Variants in GPSM1 observed in about 807,000 individuals in gnomAD.
The protein encoded by GPSM1 is G protein-signaling modulator 1.
GPSM1 carries 48 observed loss-of-function variants against 70.5 expected under a neutral mutation model. The ratio of observed to expected loss-of-function variants is 0.68; its 90% CI spans 0.54 to 0.87. The LOEUF (loss-of-function observed/expected upper bound fraction) is 0.87, where lower values mean the gene tolerates loss of function less well. GPSM1 is among the 40% of genes least tolerant of loss of function. The probability of loss-of-function intolerance (pLI) is 0.00; values close to 1 mark genes in which losing one functional copy is unlikely to be tolerated. For missense variants in GPSM1, 981 were observed against 972.6 expected, an observed-to-expected ratio of 1.01 and a Z score of -0.11; for synonymous variants, 416 against 430.1, an observed-to-expected ratio of 0.97 and a Z score of 0.41.
At chr9:136,348,622 C>T in intron 9 of GPSM1, 75 bp from the exon 10 acceptor site, 2 of 1,165,510 alleles carry the variant, frequency 1.7e-6, no homozygotes, top group Non-Finnish European at 2.5e-6. Context: ...CTTGGCCCCC[C>T]AGAGACTCTG....
intron 1 of GPSM1, chr9:136,331,836 T>G: frequency 2.6e-6 from 1 of 390,808 alleles, no homozygotes; most frequent in African/African-American, 2.1e-5. Flanking sequence ...ACGTCAGGGA[T>G]TGGGGAGGCC....
At chr9:136,349,913 C>T (rs1832617954) in intron 11 of GPSM1, 150 bp downstream of exon 11, 1 of 724,318 alleles carries the variant, frequency 1.4e-6, no homozygotes, top group Non-Finnish European at 2.2e-6. Context: ...GCAGTGCTGT[C>T]CTGGGACCCC....
intron 11 of GPSM1, among the ~76,000 whole-genome samples, chr9:136,351,861 T>C (rs1832670857): frequency 6.6e-6 from 1 of 152,210 alleles, no homozygotes; most frequent in African/African-American, 2.4e-5. Context: ...GTCAGAACCT[T>C]GGGTACCTCC....
At chr9:136,336,187 C>T (rs1446608858) in intron 3 of GPSM1, 86 bp downstream of exon 3, 2 of 1,430,442 alleles carry the variant, frequency 1.4e-6, no homozygotes, top group African/African-American at 2.8e-5. Flanking sequence ...GGGTGACTCA[C>T]CACTCATCCA....
At position 136,334,525 on chromosome 9, in the gene GPSM1, CTTCT is replaced by C; in HGVS notation, c.150_153del (p.Phe50LeufsTer12). On this transcript the variant is annotated frameshift_variant, in exon 2 of 14. Coordinates refer to ENST00000440944, the MANE Select transcript of GPSM1 (RefSeq NM_001145638.3). LOFTEE classifies it high-confidence loss of function. ...CGGGCGACTTCAAGACAGGCGTGGC[CTTCT>C]TTGAGGCTGCTGTGCAGGTGGGCAC... 1.2e-6 allele frequency: 2 copies of C among 1,613,378 alleles called. No homozygotes were observed. Among genetic ancestry groups the C allele is most frequent in the Non-Finnish European group, 1.7e-6 (2 of 1,179,942 alleles).
At chr9:136,336,151 C>T (rs375577013) in intron 3 of GPSM1, 50 bp downstream of exon 3, 25 of 1,583,836 alleles carry the variant, frequency 1.6e-5, no homozygotes, top group Middle Eastern at 1.7e-4. Flanking sequence ...CACCGGCCTG[C>T]GTCCAGATCC....
intron 1 of GPSM1, among the ~76,000 whole-genome samples, chr9:136,334,113 G>A (rs1276926024): frequency 1.3e-5 from 2 of 152,218 alleles, no homozygotes; most frequent in Admixed American, 6.5e-5. Context: ...GTGAAGGCAG[G>A]GTATGGGGGC....
At chr9:136,351,107 C>G (rs1473453986) in intron 11 of GPSM1, among the ~76,000 whole-genome samples, 1 of 152,188 alleles carries the variant, frequency 6.6e-6, no homozygotes, top group Non-Finnish European at 1.5e-5. Flanking sequence ...TGGGCACCAA[C>G]CTGCAGAGGG....
rs1457972799 is a variant in GPSM1 at position 136,358,470 on chromosome 9, C to A, written c.*250C>A. On this transcript the variant is annotated 3_prime_UTR_variant, in exon 14 of 14. Coordinates refer to ENST00000440944, the MANE Select transcript of GPSM1 (RefSeq NM_001145638.3). ...CCTGCCGCAGGCCGGACGGGGCCTT[C>A]GGCATGTCGGCCCCGACCTGGTGCT... The A allele has an allele frequency of 7.2e-6, 4 of 553,932 alleles. No individual in the cohort carries two copies. In the African/African-American group the frequency reaches 8.0e-5, roughly 11 times the overall value. 34.3% of individuals were successfully genotyped at this position (553,932 alleles called of 1,614,324 possible). A position where few individuals can be genotyped will look rare whatever the true frequency, so the allele number is the denominator to read the frequency against.
At chr9:136,337,366 A>G in intron 4 of GPSM1, 75 bp from the exon 5 acceptor site, 1 of 1,539,846 alleles carries the variant, frequency 6.5e-7, no homozygotes, top group Non-Finnish European at 8.8e-7. Flanking sequence ...GGAGGCCGCT[A>G]CTCAGCTCTT....
At chr9:136,356,600 C>A in intron 13 of GPSM1, 50 bp downstream of exon 13, 1 of 1,420,188 alleles carries the variant, frequency 7.0e-7, no homozygotes, top group Non-Finnish European at 9.7e-7. Flanking sequence ...TTGCCATCCA[C>A]GTGTGTGGAG....
intron 11 of GPSM1, among the ~76,000 whole-genome samples, chr9:136,351,895 G>A (rs1832671911): frequency 6.6e-6 from 1 of 152,250 alleles, no homozygotes; most frequent in Non-Finnish European, 1.5e-5. Context: ...CTGCACCCTG[G>A]TGGCAGCCTG....
rs1554769485 is a variant in GPSM1 at position 136,337,562 on chromosome 9, G to A, written c.700G>A (p.Glu234Lys). 6.4e-7 allele frequency: 1 copy of A among 1,556,294 alleles called. No homozygotes were observed. Among genetic ancestry groups the A allele is most frequent in the Non-Finnish European group, 8.7e-7 (1 of 1,149,992 alleles). The change falls in exon 5 of 14, where the codon GAG becomes AAG. Residue 234 changes from glutamate to lysine, a missense_variant and splice_region_variant. Transcript: ENST00000440944. ...NFTEATTFHKERLAIAKEFGD... is the reference protein window; with the variant it reads ...NFTEATTFHKKRLAIAKEFGD... ...CACAGAGGCCACGACCTTCCACAAGGAGGTGAGCCGGGCAGGGTGACAGGG... is the reference window on the plus strand; with the variant it reads ...CACAGAGGCCACGACCTTCCACAAGAAGGTGAGCCGGGCAGGGTGACAGGG...
At chr9:136,356,302 C>T in intron 12 of GPSM1, 40 bp from the exon 13 acceptor site, 1 of 1,443,042 alleles carries the variant, frequency 6.9e-7, no homozygotes, top group Non-Finnish European at 9.3e-7. Flanking sequence ...GGGCTTGACC[C>T]CGCACTGGGT....
At chr9:136,336,645 C>A (rs967679754) in intron 3 of GPSM1, among the ~76,000 whole-genome samples, 4 of 152,218 alleles carry the variant, frequency 2.6e-5, no homozygotes, top group Non-Finnish European at 4.4e-5. Flanking sequence ...CCAGCTGGAG[C>A]TTTCAGCCTC....
At chr9:136,347,589 C>T (rs1832553497) in intron 9 of GPSM1, among the ~76,000 whole-genome samples, 1 of 152,220 alleles carries the variant, frequency 6.6e-6, no homozygotes, top group African/African-American at 2.4e-5. Context: ...CTGCCCTTTC[C>T]ACAGTGGCTG....
At position 136,327,746 on chromosome 9, in the gene GPSM1, CA is replaced by C; in HGVS notation, c.52del (p.Arg18GlyfsTer12). Reference sequence around the variant, plus strand: ...CCGACGAGCTCCCGGGCCCGGCCGCCAGGCGCCTCTACTCCAGGTAGGACGG... The same window carrying C: ...CCGACGAGCTCCCGGGCCCGGCCGCCGGCGCCTCTACTCCAGGTAGGACGG... Reference protein sequence around the residue: ...AADELPGPAARRLYSRMEASC... With the variant: ...AADELPGPAAXRLYSRMEASC... On this transcript the variant is annotated frameshift_variant, in exon 1 of 14. Coordinates refer to ENST00000440944, the MANE Select transcript of GPSM1 (RefSeq NM_001145638.3). LOFTEE classifies it high-confidence loss of function. 1 of 1,193,252 alleles carries C rather than the reference CA, an allele frequency of 8.4e-7. No homozygotes were observed. The highest frequency in any genetic ancestry group is 1.0e-6 in the Non-Finnish European group (1 of 962,924). The allele number at this position is 1,193,252 out of a possible 1,614,324, so 73.9% of individuals were successfully genotyped here.
chr9:136,347,885 G>A lies in GPSM1; in HGVS notation c.1208-812G>A, dbSNP rs146061420. ...GGCCCCGCAGGGCTGAGCGACACCCGTCTCTGCCAGGGCTGTGTTGGGACA... is the reference window on the plus strand; with the variant it reads ...GGCCCCGCAGGGCTGAGCGACACCCATCTCTGCCAGGGCTGTGTTGGGACA... On this transcript the variant is annotated intron_variant, in intron 9 of 13. Coordinates refer to ENST00000440944, the MANE Select transcript of GPSM1 (RefSeq NM_001145638.3). Among the ~76,000 whole-genome samples the A allele has an allele frequency of 1.1e-4, 16 of 152,248 alleles. No individual in the cohort carries two copies. The East Asian group carries it at 1.9e-3, about 18-fold the overall frequency.
At position 136,334,679 on chromosome 9, in the gene GPSM1, A is replaced by C. The variant is rs782322719; in HGVS notation, c.290+11A>C. 17 of 1,601,000 alleles carry C rather than the reference A, an allele frequency of 1.1e-5. 1 individual carries two copies. The South Asian group carries it at 1.8e-4, about 17-fold the overall frequency. ...CCTCCTGCTGGCGCGGTGAGTGGGG[A>C]CGGTCCTGCTGGCGGGTGAGTGGGG... is the stretch of plus-strand genomic sequence containing the variant. On this transcript the variant is annotated intron_variant, in intron 2 of 13. Transcript: ENST00000440944.
Sources: gnomAD v4.1 joint callset for allele counts (sites outside exome capture counted in the v4.1 genomes callset) on GRCh38, gnomAD v4.1.1 for gene constraint, MANE v1.5 for transcripts, NCBI Gene and HGNC (gene_info 2026-07-23, HGNC 2026-07-21) for gene names.